The following IQCM variants were observed in gnomAD, a reference collection of about 807,000 sequenced individuals.
IQCM encodes the protein IQ domain-containing protein M.
IQCM carries 45 observed loss-of-function variants against 57.6 expected under a neutral mutation model. The ratio of observed to expected loss-of-function variants is 0.78; its 90% CI spans 0.62 to 1.00. IQCM has a LOEUF of 1.00. IQCM is among the 50% of genes least tolerant of loss of function. The probability of loss-of-function intolerance (pLI) is 0.00; values close to 1 mark genes in which losing one functional copy is unlikely to be tolerated. For synonymous variants in IQCM, 148 were observed against 158.9 expected, an observed-to-expected ratio of 0.93 and a Z score of 0.51; for missense variants, 468 against 511.6, an observed-to-expected ratio of 0.91 and a Z score of 0.82.
At chr4:149,384,384 CT>C (rs1387020853) in intron 13 of IQCM, among the ~76,000 whole-genome samples, 1 of 152,078 alleles carries the variant, frequency 6.6e-6, no homozygotes, top group African/African-American at 2.4e-5. Flanking sequence ...CATACATTTC[CT>C]TTTGTGAAGG....
intron 8 of IQCM, among the ~76,000 whole-genome samples, chr4:149,608,054 G>C (rs1307330693): frequency 6.6e-6 from 1 of 151,472 alleles, no homozygotes; most frequent in Non-Finnish European, 1.5e-5. Context: ...GACACACATA[G>C]ACTTAAAATA....
intron 5 of IQCM, among the ~76,000 whole-genome samples, chr4:149,702,240 T>A (rs1763823842): frequency 6.6e-6 from 1 of 151,274 alleles, no homozygotes; most frequent in African/African-American, 2.4e-5. Context: ...TGTAAAGCAA[T>A]GACACACCTG....
chr4:149,534,208 C>T (rs1747049945), intron 12 of IQCM, among the ~76,000 whole-genome samples: 1 of 152,064 alleles, frequency 6.6e-6, no homozygotes, highest in African/African-American at 2.4e-5. Context: ...GGTTAAGAGC[C>T]ACTAAATATT....
intron 12 of IQCM, among the ~76,000 whole-genome samples, chr4:149,445,700 T>C (rs1736430593): frequency 6.6e-6 from 1 of 151,780 alleles, no homozygotes; most frequent in Admixed American, 6.6e-5. Context: ...TGCAGCCCTT[T>C]CATAACGGCT....
intron 10 of IQCM, among the ~76,000 whole-genome samples, chr4:149,561,766 G>A (rs142116666): frequency 1.3e-5 from 2 of 152,128 alleles, no homozygotes; most frequent in African/African-American, 4.8e-5. Context: ...GAAAAATAAA[G>A]AGTACGTACT....
rs369450546 is a variant in IQCM at position 149,777,859 on chromosome 4, A to G, written c.-48-35120T>C. Among the ~76,000 whole-genome samples the G allele has an allele frequency of 1.8e-4, 27 of 152,292 alleles. No homozygotes were observed. The East Asian group carries it at 5.0e-3, about 28-fold the overall frequency. On this transcript the variant is annotated intron_variant, in intron 2 of 13. Transcript: ENST00000636793. ...GTTCCCTAACTTTTCTTTTCATTTC[A>G]TATATCTCAGACTTGGAAGTAAAGA... is the stretch of plus-strand genomic sequence containing the variant.
At chr4:149,733,127 G>A in intron 5 of IQCM, 117 bp downstream of exon 5, 1 of 957,798 alleles carries the variant, frequency 1.0e-6, no homozygotes. Flanking sequence ...ACCTTTCATT[G>A]TTAAGATTTA....
At chr4:149,647,332 TC>T (rs1407703035) in intron 7 of IQCM, among the ~76,000 whole-genome samples, 1 of 144,414 alleles carries the variant, frequency 6.9e-6, no homozygotes, top group African/African-American at 2.4e-5. Flanking sequence ...AGGTCTCCCT[TC>T]TAAGAACATT....
At chr4:149,417,331 G>A (rs1733813983) in intron 13 of IQCM, among the ~76,000 whole-genome samples, 1 of 152,088 alleles carries the variant, frequency 6.6e-6, no homozygotes, top group African/African-American at 2.4e-5. Flanking sequence ...GAGATTCCCT[G>A]GAGATCTATC....
Position 149,549,286 on chromosome 4 carries a change from C to T in IQCM, c.1094-697G>A, listed in dbSNP as rs28374588. Among the ~76,000 whole-genome samples, 955 of 152,082 alleles carry T rather than the reference C, an allele frequency of 6.3e-3. 13 individuals are homozygous for T. Among genetic ancestry groups the T allele is most frequent in the African/African-American group, 0.022 (905 of 41,468 alleles). Reference sequence around the variant, plus strand: ...ATCCCAGCACTTTGGGAGGCCGAGGCGGGCGGATCACGAGGTCAGGAGATC... The same window carrying T: ...ATCCCAGCACTTTGGGAGGCCGAGGTGGGCGGATCACGAGGTCAGGAGATC... On this transcript the variant is annotated intron_variant, in intron 11 of 13. Coordinates refer to ENST00000636793, the MANE Select transcript of IQCM (RefSeq NM_001363507.2).
chr4:149,474,553 C>CA (rs35089303), intron 12 of IQCM, among the ~76,000 whole-genome samples: 18 of 126,756 alleles, frequency 1.4e-4, no homozygotes, highest in African/African-American at 3.8e-4. Flanking sequence ...ACTAAAAATA[C>CA]AAAAAAAAAA....
Position 149,689,116 on chromosome 4 carries a change from T to A in IQCM, c.386-2648A>T, listed in dbSNP as rs535543998. On this transcript the variant is annotated intron_variant, in intron 5 of 13. Transcript: ENST00000636793. ...GATAAGGACACATGCACACCTATGT[T>A]TATTATGGCACTGTTCACAATAGCA... 3.3e-5 allele frequency among the ~76,000 whole-genome samples: 5 copies of A among 152,068 alleles called. No individual in the cohort carries two copies. The East Asian group carries it at 9.7e-4, about 30-fold the overall frequency.
chr4:149,722,016 G>A (rs62340694), intron 5 of IQCM, among the ~76,000 whole-genome samples: 1 of 152,012 alleles, frequency 6.6e-6, no homozygotes, highest in African/African-American at 2.4e-5. Flanking sequence ...CCTCATTGTG[G>A]TTTTAATTTG....
intron 7 of IQCM, among the ~76,000 whole-genome samples, chr4:149,642,696 A>G (rs1246273671): frequency 6.6e-6 from 1 of 152,196 alleles, no homozygotes; most frequent in African/African-American, 2.4e-5. Context: ...GTTCCAGTAC[A>G]TTAAATTTGA....
intron 12 of IQCM, among the ~76,000 whole-genome samples, chr4:149,529,192 T>C (rs1484102170): frequency 2.6e-5 from 4 of 152,070 alleles, no homozygotes; most frequent in African/African-American, 9.7e-5. Flanking sequence ...GCCTCCCAAG[T>C]AGCTGGGATT....
chr4:149,750,717 A>G (rs2149933326), intron 2 of IQCM, among the ~76,000 whole-genome samples: 1 of 152,332 alleles, frequency 6.6e-6, no homozygotes, highest in Middle Eastern at 3.4e-3. Flanking sequence ...TTAACATTTT[A>G]TAAATAACAA....
At chr4:149,811,424 A>G (rs1774556683) in intron 2 of IQCM, among the ~76,000 whole-genome samples, 1 of 152,210 alleles carries the variant, frequency 6.6e-6, no homozygotes, top group Non-Finnish European at 1.5e-5. Flanking sequence ...TTTTTCCCAA[A>G]ATATCAAGAT....
At chr4:149,492,446 T>C (rs1372851021) in intron 12 of IQCM, among the ~76,000 whole-genome samples, 1 of 152,108 alleles carries the variant, frequency 6.6e-6, no homozygotes, top group East Asian at 1.9e-4. Flanking sequence ...CACAAGCATC[T>C]ACAAACTAAG....
intron 12 of IQCM, among the ~76,000 whole-genome samples, chr4:149,509,197 G>C (rs966427625): frequency 6.6e-6 from 1 of 152,288 alleles, no homozygotes; most frequent in South Asian, 2.1e-4. Context: ...GATCCAGCCT[G>C]AGCTAGGGGT....
Sources: allele counts gnomAD v4.1 joint callset (sites outside exome capture counted in the v4.1 genomes callset), GRCh38; gene constraint gnomAD v4.1.1; transcripts MANE v1.5; gene names NCBI Gene and HGNC (gene_info 2026-07-23, HGNC 2026-07-21).